Variants in MCF2L observed in about 807,000 individuals in gnomAD.
MCF2L encodes guanine nucleotide exchange factor DBS.
MCF2L carries 97 observed loss-of-function variants against 153.4 expected under a neutral mutation model. The ratio of observed to expected loss-of-function variants is 0.63; its 90% CI spans 0.54 to 0.75. The LOEUF is 0.75. Ranked by LOEUF, MCF2L falls within the 30% of genes least tolerant of loss-of-function variation. The pLI, the probability that MCF2L is intolerant of heterozygous loss-of-function variation, is 0.00. For synonymous variants in MCF2L, 659 were observed against 632.2 expected (o/e 1.04, Z -0.64); for missense variants, 1,347 against 1,495.2 (o/e 0.90, Z 1.64).
At chr13:112,989,051 A>G (rs2082781587) in intron 1 of MCF2L, among the ~76,000 whole-genome samples, 1 of 118,264 alleles carries the variant, frequency 8.5e-6, no homozygotes, top group Admixed American at 7.9e-5. Context: ...CTCCCTGAGC[A>G]GGACATGGAG....
chr13:112,934,393 G>A (rs934961806), intron 2 of MCF2L, among the ~76,000 whole-genome samples: 1 of 152,224 alleles, frequency 6.6e-6, no homozygotes, highest in Non-Finnish European at 1.5e-5. Context: ...TTGCCACGGG[G>A]CCAGAGAAGG....
At chr13:113,025,810 G>T (rs2141300625) in intron 3 of MCF2L, among the ~76,000 whole-genome samples, 1 of 148,936 alleles carries the variant, frequency 6.7e-6, no homozygotes, top group Admixed American at 6.7e-5. Flanking sequence ...GGGTCCCCGT[G>T]ACTGTGGGTC....
chr13:113,047,926 C>T (rs1477308387), intron 4 of MCF2L, among the ~76,000 whole-genome samples: 3 of 152,290 alleles, frequency 2.0e-5, no homozygotes, highest in African/African-American at 4.8e-5. Flanking sequence ...GCTGACGCCT[C>T]GCTACGCGTG....
chr13:113,041,895 C>T (rs1227909220), intron 3 of MCF2L, among the ~76,000 whole-genome samples: 4 of 152,106 alleles, frequency 2.6e-5, no homozygotes, highest in African/African-American at 7.2e-5. Context: ...GGGCAGCACA[C>T]GTGGTGTCTG....
At chr13:112,940,117 G>C (rs1379746395) in intron 2 of MCF2L, among the ~76,000 whole-genome samples, 1 of 152,044 alleles carries the variant, frequency 6.6e-6, no homozygotes, top group African/African-American at 2.4e-5. Context: ...TCATTAAGTC[G>C]GTCCCTCTAT....
chr13:112,912,374 G>C (rs913830018), intron 2 of MCF2L, among the ~76,000 whole-genome samples: 8 of 151,910 alleles, frequency 5.3e-5, no homozygotes, highest in Non-Finnish European at 1.0e-4. Context: ...GGAGTGCAGT[G>C]GTGCAATCTG....
chr13:112,992,525 G>C (rs1016835726), intron 1 of MCF2L, among the ~76,000 whole-genome samples: 3 of 152,246 alleles, frequency 2.0e-5, no homozygotes, highest in Non-Finnish European at 2.9e-5. Flanking sequence ...GTCTGTGGTG[G>C]CCACGTCTCA....
At chr13:112,895,295 C>A (rs1297698595) in intron 1 of MCF2L, among the ~76,000 whole-genome samples, 1 of 152,132 alleles carries the variant, frequency 6.6e-6, no homozygotes, top group Non-Finnish European at 1.5e-5. Context: ...AGCCGGGACC[C>A]CGAAGGGGTT....
chr13:112,977,015 CCTT>C (rs2082238991), intron 1 of MCF2L, among the ~76,000 whole-genome samples: 2 of 152,196 alleles, frequency 1.3e-5, no homozygotes, highest in Admixed American at 1.3e-4. Flanking sequence ...AAACGAGACA[CCTT>C]CGTCTGTGCC....
chr13:113,024,806 C>G, intron 3 of MCF2L, 48 bp downstream of exon 3: 1 of 1,454,896 alleles, frequency 6.9e-7, no homozygotes, highest in South Asian at 1.1e-5. Flanking sequence ...GGGCAGAGTC[C>G]CTGTGAGATT....
chr13:113,019,823 A>C (rs2084764526), intron 2 of MCF2L, among the ~76,000 whole-genome samples: 6 of 152,308 alleles, frequency 3.9e-5, no homozygotes, highest in African/African-American at 1.4e-4. Context: ...CTTCCGCAGC[A>C]TGGCCATGCC....
intron 27 of MCF2L, chr13:113,094,976 C>T: frequency 7.2e-7 from 1 of 1,381,702 alleles, no homozygotes; most frequent in Non-Finnish European, 9.7e-7. Context: ...CAGGTGCCCA[C>T]CCAGCCTCCT....
At chr13:112,990,385 A>G (rs1199182328) in intron 1 of MCF2L, among the ~76,000 whole-genome samples, 1 of 152,190 alleles carries the variant, frequency 6.6e-6, no homozygotes, top group South Asian at 2.1e-4. Flanking sequence ...CCTGTTTTTC[A>G]AGGACAAAGT....
chr13:113,095,665 T>A (rs1566891438), intron 27 of MCF2L: 10 of 991,552 alleles, frequency 1.0e-5, no homozygotes, highest in Non-Finnish European at 1.1e-5. Flanking sequence ...GGCCATCACG[T>A]GAGGGCAGGT....
chr13:112,902,452 G>T lies in MCF2L; in HGVS notation c.169+81G>T, dbSNP rs1209739641. 7 of 1,385,226 alleles carry T rather than the reference G, an allele frequency of 5.1e-6. No homozygotes were observed. The East Asian group carries it at 1.7e-4, about 34-fold the overall frequency. The allele number at this position is 1,385,226 out of a possible 1,614,324, so 85.8% of individuals were successfully genotyped here. On this transcript the variant is annotated intron_variant, in intron 2 of 29. Coordinates refer to the MCF2L transcript ENST00000375608. ...ACCTGTGCTGTTCTTTGCTATTCCG[G>T]TCCTTTTAGAGATTGACAAGGTTTA...
intron 1 of MCF2L, among the ~76,000 whole-genome samples, chr13:112,992,317 T>C (rs1211642281): frequency 6.6e-6 from 1 of 152,210 alleles, no homozygotes; most frequent in South Asian, 2.1e-4. Context: ...CTGTAGGAGA[T>C]ACTTGGCCAT....
chr13:112,980,491 C>T (rs1191538205), intron 1 of MCF2L, among the ~76,000 whole-genome samples: 3 of 152,158 alleles, frequency 2.0e-5, no homozygotes, highest in Non-Finnish European at 4.4e-5. Flanking sequence ...GATGGATGGG[C>T]GGCGGCTGGG....
chr13:112,948,603 AG>A (rs1156405818), intron 2 of MCF2L, among the ~76,000 whole-genome samples: 2 of 152,246 alleles, frequency 1.3e-5, no homozygotes, highest in Admixed American at 6.5e-5. Context: ...AGCAGTACTG[AG>A]AGGGGAATTT....
Position 113,066,184 on chromosome 13 carries a change from G to T in MCF2L, c.881+14G>T, listed in dbSNP as rs762720787. ...CACCGTGCAGAGGTGAGGCCCGGCTGCCTTCCTGCCCTCATCCTGTCCCAG... is the reference window on the plus strand; with the variant it reads ...CACCGTGCAGAGGTGAGGCCCGGCTTCCTTCCTGCCCTCATCCTGTCCCAG... On this transcript the variant is annotated intron_variant, in intron 8 of 29. Coordinates refer to ENST00000535094, the MANE Select transcript of MCF2L (RefSeq NM_001112732.3). The T allele has an allele frequency of 1.9e-5, 30 of 1,599,426 alleles. No individual in the cohort carries two copies. The highest frequency in any genetic ancestry group is 2.5e-5 in the Non-Finnish European group (29 of 1,172,512).
Sources: allele counts gnomAD v4.1 joint callset (sites outside exome capture counted in the v4.1 genomes callset), GRCh38; gene constraint gnomAD v4.1.1; transcripts MANE v1.5; gene names NCBI Gene and HGNC (gene_info 2026-07-23, HGNC 2026-07-21).